The following NLN variants were observed in gnomAD, a reference collection of about 807,000 sequenced individuals.
NLN encodes neurolysin, mitochondrial.
In NLN, 64 loss-of-function variants were observed where a neutral mutation model predicts 79.9. The ratio of observed to expected loss-of-function variants is 0.80; its 90% confidence interval spans 0.65 to 0.99. The LOEUF is 0.99. Among genes scored for constraint, NLN ranks in the 50% least tolerant of loss-of-function variants. The pLI is 0.00. For missense variants in NLN, 835 were observed against 858.7 expected (o/e 0.97, Z 0.34); for synonymous variants, 267 against 296.6 (o/e 0.90, Z 1.02).
At chr5:65,761,071 A>G (rs1759327015) in intron 2 of NLN, among the ~76,000 whole-genome samples, 1 of 152,144 alleles carries the variant, frequency 6.6e-6, no homozygotes, top group South Asian at 2.1e-4. Context: ...GTCTAGTGTC[A>G]GGCACTGGGC....
intron 9 of NLN, among the ~76,000 whole-genome samples, chr5:65,796,402 A>G (rs1319512607): frequency 2.0e-5 from 3 of 152,202 alleles, no homozygotes; most frequent in African/African-American, 7.2e-5. Context: ...GACATTTTAG[A>G]GCTGTCTGAC....
At chr5:65,722,613 C>T in intron 1 of NLN, 199 bp downstream of exon 1, 2 of 537,894 alleles carry the variant, frequency 3.7e-6, no homozygotes, top group Non-Finnish European at 3.3e-6. Context: ...GCCTCCGCTC[C>T]CTCGGGAGGA....
intron 7 of NLN, among the ~76,000 whole-genome samples, chr5:65,786,616 G>C (rs1391857765): frequency 6.6e-6 from 1 of 151,976 alleles, no homozygotes; most frequent in African/African-American, 2.4e-5. Flanking sequence ...CAGCACTTCG[G>C]GAGGCCGAGG....
intron 1 of NLN, among the ~76,000 whole-genome samples, chr5:65,735,910 G>A (rs1283356506): frequency 6.6e-6 from 1 of 151,994 alleles, no homozygotes; most frequent in Non-Finnish European, 1.5e-5. Flanking sequence ...CCCATTTCCA[G>A]AGCCTAATAC....
chr5:65,774,431 G>C (rs955837442), intron 3 of NLN, among the ~76,000 whole-genome samples: 4 of 152,178 alleles, frequency 2.6e-5, no homozygotes, highest in African/African-American at 9.6e-5. Context: ...CAGCAAGACA[G>C]TCTAGAAGTG....
chr5:65,799,409 G>A (rs1007132089), intron 9 of NLN, among the ~76,000 whole-genome samples: 2 of 152,114 alleles, frequency 1.3e-5, no homozygotes, highest in Admixed American at 6.6e-5. Flanking sequence ...GAGAGGTTGA[G>A]GTCAAGAATG....
rs958864465 is a variant in NLN, at chr5:65,824,171, T to C, written c.*1256T>C. 15 of 152,160 alleles carry C rather than the reference T, an allele frequency of 9.9e-5. No homozygotes were observed. The highest frequency in any genetic ancestry group is 3.9e-4 in the Admixed American group (6 of 15,274). The allele number at this position is 152,160 out of a possible 1,614,324, so 9.4% of individuals were successfully genotyped here. ...AAAAAAAAACAACTTTGAATTCCCCTGCCTAGGTCTTCCAGTTGTTTTCCA... is the reference window on the plus strand; with the variant it reads ...AAAAAAAAACAACTTTGAATTCCCCCGCCTAGGTCTTCCAGTTGTTTTCCA... On this transcript the variant is annotated 3_prime_UTR_variant, in exon 13 of 13. Transcript: ENST00000380985.
At chr5:65,792,081 A>C (rs1760073288) in intron 8 of NLN, among the ~76,000 whole-genome samples, 1 of 152,248 alleles carries the variant, frequency 6.6e-6, no homozygotes. Context: ...AGTGAGTCAA[A>C]CTGTATCTTT....
chr5:65,799,396 G>T (rs879872350), intron 9 of NLN, among the ~76,000 whole-genome samples: 1 of 152,056 alleles, frequency 6.6e-6, no homozygotes, highest in Non-Finnish European at 1.5e-5. Context: ...AAAGTAGAGA[G>T]GTGAGAGGTT....
chr5:65,792,746 T>C, intron 9 of NLN, 91 bp downstream of exon 9: 1 of 1,088,866 alleles, frequency 9.2e-7, no homozygotes, highest in African/African-American at 1.5e-5. Context: ...TAACAGGTTT[T>C]TTCAGAAGCT....
At chr5:65,800,505 C>T (rs536576140) in intron 9 of NLN, among the ~76,000 whole-genome samples, 7 of 152,150 alleles carry the variant, frequency 4.6e-5, no homozygotes, top group Admixed American at 3.9e-4. Context: ...GAAACCCCAT[C>T]TCTACTAAAA....
In NLN at chr5:65,821,121, G is replaced by A. The variant is rs139691691; in HGVS notation, c.1981-1660G>A. Among the ~76,000 whole-genome samples the A allele has an allele frequency of 1.3e-3, 205 of 152,070 alleles. 1 individual carries two copies. The highest frequency in any genetic ancestry group is 2.0e-3 in the Admixed American group (30 of 15,266). On this transcript the variant is annotated intron_variant, in intron 12 of 12. Coordinates refer to ENST00000380985, the MANE Select transcript of NLN (RefSeq NM_020726.5). ...CAGGGGCAGGAATGGGGGGCGGAAA[G>A]GGAAGGGAGCTAATTGAATCTAGCT...
intron 12 of NLN, among the ~76,000 whole-genome samples, chr5:65,822,061 G>A (rs975904677): frequency 2.0e-5 from 3 of 152,172 alleles, no homozygotes; most frequent in Non-Finnish European, 2.9e-5. Flanking sequence ...TTCCTTAAAA[G>A]GACAGTGAAA....
chr5:65,781,834 A>G (rs1209479150), intron 6 of NLN, among the ~76,000 whole-genome samples: 1 of 152,172 alleles, frequency 6.6e-6, no homozygotes, highest in Non-Finnish European at 1.5e-5. Flanking sequence ...CATAGGACCC[A>G]TTCACCATTT....
At chr5:65,776,853 A>G (rs182371494) in intron 3 of NLN, among the ~76,000 whole-genome samples, 1 of 152,304 alleles carries the variant, frequency 6.6e-6, no homozygotes, top group Admixed American at 6.5e-5. Context: ...ACTTGTTCCT[A>G]TGCGGCTTGC....
At chr5:65,781,902 C>A (rs1759807488) in intron 6 of NLN, among the ~76,000 whole-genome samples, 1 of 152,170 alleles carries the variant, frequency 6.6e-6, no homozygotes, top group Admixed American at 6.5e-5. Context: ...TGATACAGTT[C>A]TTCCTGGTTG....
chr5:65,739,902 C>T (rs1473188826), intron 1 of NLN, among the ~76,000 whole-genome samples: 1 of 152,040 alleles, frequency 6.6e-6, no homozygotes, highest in Non-Finnish European at 1.5e-5. Context: ...GGATATTAAT[C>T]CCTTATGAGA....
chr5:65,790,784 G>T (rs1760040853), intron 8 of NLN, among the ~76,000 whole-genome samples: 1 of 152,016 alleles, frequency 6.6e-6, no homozygotes, highest in Non-Finnish European at 1.5e-5. Flanking sequence ...TAAATAAAAA[G>T]TATCAGGATA....
intron 12 of NLN, among the ~76,000 whole-genome samples, chr5:65,813,936 A>AG (rs1490978434): frequency 1.5e-4 from 23 of 152,070 alleles, no homozygotes; most frequent in Non-Finnish European, 3.1e-4. Flanking sequence ...TCAAAAAAAA[A>AG]AAAATCATTG....
Sources: gnomAD v4.1 joint callset for allele counts (sites outside exome capture counted in the v4.1 genomes callset) on GRCh38, gnomAD v4.1.1 for gene constraint, MANE v1.5 for transcripts, NCBI Gene and HGNC (gene_info 2026-07-23, HGNC 2026-07-21) for gene names.